The following LRP1B variants were observed in gnomAD, a reference collection of about 807,000 sequenced individuals.
The protein encoded by LRP1B is low-density lipoprotein receptor-related protein 1B.
A neutral mutation model predicts 556.6 loss-of-function variants in LRP1B; 217 were observed. That is an observed-to-expected ratio of 0.39 (90% CI 0.35 to 0.44). The LOEUF (loss-of-function observed/expected upper bound fraction) is 0.44, where lower values mean the gene tolerates loss of function less well. Among genes scored for constraint, LRP1B ranks in the 20% least tolerant of loss-of-function variants. LRP1B has a pLI of 1.00. For synonymous variants in LRP1B, 2,047 were observed against 1,865.8 expected, an observed-to-expected ratio of 1.10 and a Z score of -2.50; for missense variants, 5,053 against 5,620.8, an observed-to-expected ratio of 0.90 and a Z score of 3.23.
intron 2 of LRP1B, among the ~76,000 whole-genome samples, chr2:141,639,251 C>G (rs1336555212): frequency 7.2e-6 from 1 of 138,388 alleles, no homozygotes; most frequent in African/African-American, 2.7e-5. Flanking sequence ...CAGAGCACCA[C>G]GCAGACTGAG....
intron 2 of LRP1B, among the ~76,000 whole-genome samples, chr2:141,674,024 T>C (rs1222450140): frequency 6.6e-6 from 1 of 152,054 alleles, no homozygotes; most frequent in Non-Finnish European, 1.5e-5. Context: ...GCACATTTCA[T>C]TCAGGTTGGC....
intron 11 of LRP1B, among the ~76,000 whole-genome samples, chr2:141,027,150 A>G (rs1056128854): frequency 2.0e-5 from 3 of 152,132 alleles, no homozygotes; most frequent in Admixed American, 6.6e-5. Flanking sequence ...AGCTAGAATA[A>G]GGTTACTACA....
intron 1 of LRP1B, among the ~76,000 whole-genome samples, chr2:141,825,716 C>G (rs1046764246): frequency 2.0e-5 from 3 of 152,116 alleles, no homozygotes; most frequent in Non-Finnish European, 4.4e-5. Flanking sequence ...TTCTTCTCTA[C>G]AGTAGACACC....
intron 6 of LRP1B, among the ~76,000 whole-genome samples, chr2:141,224,304 C>T (rs530520166): frequency 1.1e-4 from 16 of 152,112 alleles, no homozygotes; most frequent in Non-Finnish European, 2.1e-4. Context: ...TACCATCTCA[C>T]GCCAGTCAGA....
In LRP1B at chr2:141,236,418, T is replaced by C. The variant is rs150503051; in HGVS notation, c.593-6978A>G. Among the ~76,000 whole-genome samples, 111 of 152,106 alleles carry C rather than the reference T, an allele frequency of 7.3e-4. 2 individuals carry two copies. The East Asian group carries it at 0.019, about 26-fold the overall frequency. On this transcript the variant is annotated intron_variant, in intron 5 of 90. Coordinates refer to ENST00000389484, the MANE Select transcript of LRP1B (RefSeq NM_018557.3). ...TCTAAAAGAGATGATCTCATAGAAA[T>C]AGAGAGTAGAATGTTTGTTGCCAGA...
chr2:141,871,711 T>C (rs1228149390), intron 1 of LRP1B, among the ~76,000 whole-genome samples: 1 of 151,892 alleles, frequency 6.6e-6, no homozygotes, highest in Non-Finnish European at 1.5e-5. Context: ...AGATAATAAC[T>C]CAAAATAGAT....
chr2:140,777,902 C>A (rs1345206208), intron 32 of LRP1B, among the ~76,000 whole-genome samples: 2 of 141,232 alleles, frequency 1.4e-5, no homozygotes, highest in Non-Finnish European at 3.2e-5. Context: ...CCAAAGAAAC[C>A]TCAGAAAATG....
chr2:140,873,230 G>C (rs186777714), intron 25 of LRP1B, among the ~76,000 whole-genome samples: 1 of 152,016 alleles, frequency 6.6e-6, no homozygotes, highest in African/African-American at 2.4e-5. Flanking sequence ...TGCCATAGGG[G>C]TTACAAAAGT....
rs545128488 is a variant in LRP1B at position 141,986,265 on chromosome 2, A to T, written c.82+144383T>A. Among the ~76,000 whole-genome samples, 4 of 152,104 alleles carry T rather than the reference A, an allele frequency of 2.6e-5. No individual in the cohort carries two copies. The South Asian group carries it at 8.3e-4, about 31-fold the overall frequency. On this transcript the variant is annotated intron_variant, in intron 1 of 90. Coordinates refer to ENST00000389484, the MANE Select transcript of LRP1B (RefSeq NM_018557.3). ...TAGTTAAGATGGTAAATTTTATGTT[A>T]TATTTTACCACAATAAAAACTTTAA...
intron 11 of LRP1B, among the ~76,000 whole-genome samples, chr2:141,032,826 C>CATACATATATAT: frequency 0.01 from 1,314 of 126,660 alleles, 58 homozygotes; most frequent in African/African-American, 0.037. Flanking sequence ...TATATACATA[C>CATACATATATAT]ATATATATAT....
chr2:140,687,686 CTTCT>C (rs1686098091), intron 41 of LRP1B, among the ~76,000 whole-genome samples: 1 of 151,868 alleles, frequency 6.6e-6, no homozygotes, highest in Non-Finnish European at 1.5e-5. Context: ...GTAAATAAAA[CTTCT>C]TTATTTCTGG....
intron 2 of LRP1B, among the ~76,000 whole-genome samples, chr2:141,605,070 T>G (rs1687866657): frequency 1.3e-5 from 2 of 151,874 alleles, no homozygotes; most frequent in Non-Finnish European, 2.9e-5. Flanking sequence ...AGCCAGAGGT[T>G]CCTGGCTGGC....
chr2:141,777,049 A>T lies in LRP1B; in HGVS notation c.205+33230T>A, dbSNP rs80063740. Among the ~76,000 whole-genome samples, 351 of 152,312 alleles carry T rather than the reference A, an allele frequency of 2.3e-3. 2 individuals are homozygous for T. The highest frequency in any genetic ancestry group is 8.1e-3 in the African/African-American group (336 of 41,566). On this transcript the variant is annotated intron_variant, in intron 2 of 90. Transcript: ENST00000389484. ...TATTCAGAGAAGTTTAACTTTTCTG[A>T]TAAATAAAGTGGAGGTGGGGGTTAG...
At chr2:141,189,635 T>A (rs1681412048) in intron 6 of LRP1B, among the ~76,000 whole-genome samples, 2 of 150,998 alleles carry the variant, frequency 1.3e-5, no homozygotes, top group Admixed American at 1.3e-4. Context: ...AGCTTCTTCC[T>A]TTTAGGTCAA....
chr2:141,626,677 G>C (rs1162394127), intron 2 of LRP1B, among the ~76,000 whole-genome samples: 1 of 152,084 alleles, frequency 6.6e-6, no homozygotes, highest in Non-Finnish European at 1.5e-5. Context: ...CAAAGAAGAT[G>C]GCAAATAGTA....
At chr2:140,677,988 A>G (rs1160692957) in intron 41 of LRP1B, among the ~76,000 whole-genome samples, 2 of 152,008 alleles carry the variant, frequency 1.3e-5, no homozygotes. Flanking sequence ...CATTAATCCT[A>G]CTTTACAGAT....
chr2:141,220,238 T>C (rs1682980816), intron 6 of LRP1B, among the ~76,000 whole-genome samples: 1 of 152,214 alleles, frequency 6.6e-6, no homozygotes, highest in East Asian at 1.9e-4. Flanking sequence ...ATAAATGACC[T>C]GAAGGAGCTG....
intron 66 of LRP1B, among the ~76,000 whole-genome samples, chr2:140,389,497 G>C (rs1004321232): frequency 2.0e-5 from 3 of 150,440 alleles, no homozygotes; most frequent in Admixed American, 2.0e-4. Flanking sequence ...TTATATGTTA[G>C]CAATAAACAA....
At position 140,501,836 on chromosome 2, in the gene LRP1B, C is replaced by T. The variant is rs769812535; in HGVS notation, c.8701G>A (p.Gly2901Ser). The T allele has an allele frequency of 1.2e-6, 2 of 1,607,510 alleles. No homozygotes were observed. The highest frequency in any genetic ancestry group is 1.7e-6 in the Non-Finnish European group (2 of 1,176,576). Residue 2901 changes from glycine (G) to serine (S), a missense_variant, in exon 55 of 91, where the codon GGC (glycine) becomes AGC (serine). Gly to Ser is a moderately conservative substitution (Grantham distance 56). Transcript: ENST00000389484. ...CNSSFFMCKN[G>S]RCIPSGGLCD... ...AGACCTCCACTGGGAATGCACCTGCCATTTTTGCACATAAAAAATGAACTG... is the reference window on the plus strand; with the variant it reads ...AGACCTCCACTGGGAATGCACCTGCTATTTTTGCACATAAAAAATGAACTG...
Sources: allele counts gnomAD v4.1 joint callset (sites outside exome capture counted in the v4.1 genomes callset), GRCh38; gene constraint gnomAD v4.1.1; transcripts MANE v1.5; gene names NCBI Gene and HGNC (gene_info 2026-07-23, HGNC 2026-07-21).